CDH23: variants seen among roughly 807,000 people sequenced by gnomAD.
CDH23 encodes the protein cadherin-23.
In CDH23, 189 loss-of-function variants were observed where a neutral mutation model predicts 317.1. The observed-to-expected ratio is 0.60, with a 90% CI of 0.53 to 0.67. The LOEUF (loss-of-function observed/expected upper bound fraction) is 0.67, where lower values mean the gene tolerates loss of function less well. CDH23 is among the 30% of genes least tolerant of loss of function. The pLI is 0.00. For missense variants in CDH23, 4,401 were observed against 4,592.4 expected, an observed-to-expected ratio of 0.96 and a Z score of 1.20; for synonymous variants, 1,839 against 1,876.8, an observed-to-expected ratio of 0.98 and a Z score of 0.52.
In CDH23 at chr10:71,682,682, C is replaced by T. The variant is rs74145290; in HGVS notation, c.1986+110C>T. The T allele has an allele frequency of 4.5e-4, 622 of 1,380,672 alleles. 3 individuals are homozygous for T. In the African/African-American group the frequency reaches 7.7e-3, roughly 17 times the overall value. 85.5% of individuals were successfully genotyped at this position (1,380,672 alleles called of 1,614,324 possible). On this transcript the variant is annotated intron_variant, in intron 18 of 69. Coordinates refer to ENST00000224721, the MANE Select transcript of CDH23 (RefSeq NM_022124.6). ...GCCCCCACCTCCTTGGCTGTCCCTG[C>T]ACCTTGGGGAGTTTACCCAGCCATC...
At chr10:71,559,186 G>C (rs892472264) in intron 6 of CDH23, among the ~76,000 whole-genome samples, 1 of 152,110 alleles carries the variant, frequency 6.6e-6, no homozygotes, top group Non-Finnish European at 1.5e-5. Flanking sequence ...TGGCCCATCT[G>C]TTTCCAGTTT....
rs767901553 is a variant in CDH23 at position 71,785,692 on chromosome 10, C to T, written c.5774C>T (p.Thr1925Ile). ...GAGCGGATCCCAGAGTACAAGCTGA[C>T]CATTTCTGTGAAGGACAACCCGGAG... ...DRERIPEYKLTISVKDNPENP... is the reference protein window; with the variant it reads ...DRERIPEYKLIISVKDNPENP... Residue 1925 changes from threonine (T) to isoleucine (I), a missense_variant, in exon 44 of 70, where the codon ACC (threonine) becomes ATC (isoleucine). Thr to Ile is a moderately conservative substitution (Grantham distance 89). Transcript: ENST00000224721. The T allele has an allele frequency of 9.9e-6, 16 of 1,608,968 alleles. No individual in the cohort carries two copies. Among genetic ancestry groups the T allele is most frequent in the South Asian group, 2.2e-5 (2 of 89,586 alleles).
chr10:71,768,778 C>T (rs1399492740), intron 38 of CDH23, among the ~76,000 whole-genome samples: 3 of 152,246 alleles, frequency 2.0e-5, no homozygotes, highest in African/African-American at 7.2e-5. Flanking sequence ...CTGTGCTCGG[C>T]CTCATTCTAA....
In CDH23 at chr10:71,777,849, A is replaced by G. The variant is rs771435678; in HGVS notation, c.5015A>G (p.Tyr1672Cys). Residue 1672 changes from tyrosine to cysteine, a missense_variant, in exon 39 of 70, where the codon TAT (tyrosine) becomes TGT (cysteine). Around this residue, in one of 3 missense-constraint regions of CDH23, gnomAD observed 3,068 missense variants for 3,203.3 expected, o/e 0.96. Transcript: ENST00000224721. ...LDEGPNGTVTYAIVAGNIVNT... is the reference protein window; with the variant it reads ...LDEGPNGTVTCAIVAGNIVNT... ...GAGGGTCCCAACGGCACAGTCACCTATGCCATCGTCGCAGGCAACATCGTC... is the reference window on the plus strand; with the variant it reads ...GAGGGTCCCAACGGCACAGTCACCTGTGCCATCGTCGCAGGCAACATCGTC... 11 of 1,613,892 alleles carry G rather than the reference A, an allele frequency of 6.8e-6. No homozygotes were observed. The East Asian group carries it at 1.1e-4, about 16-fold the overall frequency.
intron 3 of CDH23, among the ~76,000 whole-genome samples, chr10:71,483,913 C>G (rs1852204750): frequency 6.6e-6 from 1 of 152,204 alleles, no homozygotes; most frequent in African/African-American, 2.4e-5. Flanking sequence ...CCTGTGCACA[C>G]ACACATGCCC....
At chr10:71,483,313 G>T (rs1344161539) in intron 3 of CDH23, among the ~76,000 whole-genome samples, 2 of 152,222 alleles carry the variant, frequency 1.3e-5, no homozygotes, top group Non-Finnish European at 2.9e-5. Flanking sequence ...CTGGTGGGGA[G>T]GGTTGAACTT....
intron 18 of CDH23, 138 bp from the exon 19 acceptor site, chr10:71,687,509 T>A: frequency 1.4e-6 from 1 of 735,116 alleles, no homozygotes; most frequent in South Asian, 1.5e-5. Flanking sequence ...ACACCTCACC[T>A]GGCTCTGGTT....
chr10:71,696,027 G>T (rs1264331530), intron 22 of CDH23, among the ~76,000 whole-genome samples: 1 of 152,198 alleles, frequency 6.6e-6, no homozygotes, highest in Non-Finnish European at 1.5e-5. Flanking sequence ...GCACAGGTTT[G>T]CCAGGTTTGC....
chr10:71,705,628 T>G (rs1564745018), intron 25 of CDH23, among the ~76,000 whole-genome samples: 1 of 152,186 alleles, frequency 6.6e-6, no homozygotes. Flanking sequence ...CTCCCTAAGA[T>G]CCTCATCCCC....
At chr10:71,436,442 G>A (rs775985582) in intron 1 of CDH23, among the ~76,000 whole-genome samples, 1 of 152,218 alleles carries the variant, frequency 6.6e-6, no homozygotes, top group Non-Finnish European at 1.5e-5. Flanking sequence ...ATTGTGCTCC[G>A]TGAGGGAGGG....
At chr10:71,556,489 T>C (rs1044144353) in intron 6 of CDH23, among the ~76,000 whole-genome samples, 1 of 151,770 alleles carries the variant, frequency 6.6e-6, no homozygotes, top group Non-Finnish European at 1.5e-5. Flanking sequence ...TAATCCCAGC[T>C]ACTGGGGAGG....
intron 44 of CDH23, among the ~76,000 whole-genome samples, chr10:71,786,893 A>C (rs550415033): frequency 1.3e-4 from 20 of 151,666 alleles, no homozygotes; most frequent in Admixed American, 2.6e-4. Flanking sequence ...TAAAAGCAGC[A>C]TTGAGTGGCA....
intron 6 of CDH23, among the ~76,000 whole-genome samples, chr10:71,548,843 TC>T (rs1031003475): frequency 1.3e-5 from 2 of 152,140 alleles, no homozygotes; most frequent in African/African-American, 4.8e-5. Context: ...TCCAGAGAGT[TC>T]TTGAAAAACC....
At chr10:71,418,248 G>A (rs148595598) in intron 1 of CDH23, among the ~76,000 whole-genome samples, 30 of 152,040 alleles carry the variant, frequency 2.0e-4, no homozygotes, top group Admixed American at 1.6e-3. Context: ...CAGTCATTTC[G>A]TATGAAAAAT....
chr10:71,578,106 A>G (rs1221620177), intron 9 of CDH23, 114 bp downstream of exon 9: 2 of 1,021,486 alleles, frequency 2.0e-6, no homozygotes, highest in Non-Finnish European at 3.0e-6. Context: ...CATGTGGGAC[A>G]GGGTAGGAGA....
intron 6 of CDH23, among the ~76,000 whole-genome samples, chr10:71,532,490 T>C (rs935686081): frequency 5.9e-5 from 9 of 152,034 alleles, no homozygotes; most frequent in South Asian, 2.1e-4. Flanking sequence ...ACCCTTAGCC[T>C]TCCAGATCCA....
At chr10:71,811,861 C>T (rs917934874) in intron 65 of CDH23, 94 bp from the exon 66 acceptor site, 26 of 1,590,750 alleles carry the variant, frequency 1.6e-5, no homozygotes, top group Admixed American at 7.1e-5. Context: ...GGGCCCAGGA[C>T]CATGCCCCGC....
intron 14 of CDH23, among the ~76,000 whole-genome samples, chr10:71,665,491 A>C (rs1195665808): frequency 6.6e-6 from 1 of 152,214 alleles, no homozygotes; most frequent in African/African-American, 2.4e-5. Context: ...AAGGAGCAGC[A>C]ACCCAGAGAT....
At chr10:71,755,112 A>G (rs77746026) in intron 38 of CDH23, 20,199 of 644,178 alleles carry the variant, frequency 0.031, 1,168 homozygotes, top group African/African-American at 0.18. Flanking sequence ...GAAGACATGT[A>G]TTGAGTGCCG....
Sources: gnomAD v4.1 joint callset for allele counts (sites outside exome capture counted in the v4.1 genomes callset) on GRCh38, gnomAD v4.1.1 for gene constraint, gnomAD v4.1.1 regional missense constraint, MANE v1.5 for transcripts, NCBI Gene and HGNC (gene_info 2026-07-23, HGNC 2026-07-21) for gene names.